ZBTB24: variants seen among roughly 807,000 people sequenced by gnomAD.
The protein encoded by ZBTB24 is zinc finger and BTB domain containing 24.
ZBTB24 carries 32 observed loss-of-function variants against 53.8 expected under a neutral mutation model. That is an observed-to-expected ratio of 0.60 (90% CI 0.45 to 0.80). The LOEUF is 0.80. ZBTB24 is among the 30% of genes least tolerant of loss of function. The probability of loss-of-function intolerance (pLI) is 0.00; values close to 1 mark genes in which losing one functional copy is unlikely to be tolerated. For missense variants in ZBTB24, 722 were observed against 837.1 expected, an observed-to-expected ratio of 0.86 and a Z score of 1.70; for synonymous variants, 297 against 306.7, an observed-to-expected ratio of 0.97 and a Z score of 0.33.
At chr6:109,479,250 CTGACT>C (rs745742536) in intron 2 of ZBTB24, among the ~76,000 whole-genome samples, 9 of 152,168 alleles carry the variant, frequency 5.9e-5, no homozygotes, top group Admixed American at 1.3e-4. Context: ...CAGATGCTTC[CTGACT>C]TATGATGGGA....
chr6:109,462,858 TAAAAC>T lies in ZBTB24; in HGVS notation c.*2988_*2992del, dbSNP rs952720835. ...TAAGAAACACACTCTATATTTCTGT[TAAAAC>T]AATTTAAAAAATGGTACACATTTAG... On this transcript the variant is annotated 3_prime_UTR_variant, in exon 7 of 7. Transcript: ENST00000230122. 19 of 152,348 alleles carry T rather than the reference TAAAAC, an allele frequency of 1.2e-4. No homozygotes were observed. Among genetic ancestry groups the T allele is most frequent in the African/African-American group, 4.3e-4 (18 of 41,580 alleles). The allele number at this position is 152,348 out of a possible 1,614,324, so 9.4% of individuals were successfully genotyped here. A position where few individuals can be genotyped will look rare whatever the true frequency, so the allele number is the denominator to read the frequency against.
chr6:109,481,940 A>T lies in ZBTB24; in HGVS notation c.87T>A (p.Asp29Glu). ...HSDTVLASFE[D>E]QRKKGFLCDI... ...CACAGAGGAAGCCTTTCTTCCTCTG[A>T]TCCTCAAAACTGGCCAGCACAGTGT... The change falls in exon 2 of 7, where the codon GAT (aspartate) becomes GAA (glutamate). Residue 29 changes from aspartate to glutamate, a missense_variant. By Grantham distance (45) the Asp-to-Glu change is conservative. Coordinates refer to ENST00000230122, the MANE Select transcript of ZBTB24 (RefSeq NM_014797.3). The T allele has an allele frequency of 1.2e-6, 2 of 1,614,150 alleles. No homozygotes were observed. Among genetic ancestry groups the T allele is most frequent in the Non-Finnish European group, 1.7e-6 (2 of 1,179,996 alleles).
chr6:109,479,777 G>A (rs541238574), intron 2 of ZBTB24, among the ~76,000 whole-genome samples: 114 of 152,128 alleles, frequency 7.5e-4, no homozygotes, highest in Non-Finnish European at 1.4e-3. Flanking sequence ...TTAGCTGGGC[G>A]TGGTGGCGTG....
intron 2 of ZBTB24, among the ~76,000 whole-genome samples, chr6:109,479,591 T>C (rs1016462660): frequency 5.3e-5 from 8 of 152,196 alleles, no homozygotes; most frequent in African/African-American, 1.7e-4. Context: ...TGTATAATGA[T>C]TTAACTCTAA....
At chr6:109,478,437 C>T (rs953941591) in intron 2 of ZBTB24, among the ~76,000 whole-genome samples, 2 of 152,182 alleles carry the variant, frequency 1.3e-5, no homozygotes, top group South Asian at 2.1e-4. Context: ...TAAAAACTCT[C>T]TTCCTCTCCA....
chr6:109,483,120 A>G lies in ZBTB24; in HGVS notation c.-51T>C, dbSNP rs905084999. ...CACCCGGCGGCCTGGCGGGAGACCC[A>G]CGCCGGGGCCCGCTGGCCCTCCGCT... is the stretch of plus-strand genomic sequence containing the variant. On this transcript the variant is annotated 5_prime_UTR_variant, in exon 1 of 7. Transcript: ENST00000230122. 34 of 152,094 alleles carry G rather than the reference A, an allele frequency of 2.2e-4. No homozygotes were observed. The highest frequency in any genetic ancestry group is 8.0e-4 in the African/African-American group (33 of 41,508). 9.4% of individuals were successfully genotyped at this position (152,094 alleles called of 1,614,324 possible). A position where few individuals can be genotyped will look rare whatever the true frequency, so the allele number is the denominator to read the frequency against.
At chr6:109,472,880 A>G (rs1776195214) in intron 5 of ZBTB24, among the ~76,000 whole-genome samples, 1 of 151,904 alleles carries the variant, frequency 6.6e-6, no homozygotes, top group Non-Finnish European at 1.5e-5. Flanking sequence ...TCTTCCCTGG[A>G]CTATCTCCAG....
At position 109,463,150 on chromosome 6, in the gene ZBTB24, C is replaced by T. The variant is rs551240388; in HGVS notation, c.*2701G>A. 6.6e-6 allele frequency: 1 copy of T among 152,296 alleles called. No homozygotes were observed. The highest frequency in any genetic ancestry group is 2.4e-5 in the African/African-American group (1 of 41,546). The allele number at this position is 152,296 out of a possible 1,614,324, so 9.4% of individuals were successfully genotyped here. Reference sequence around the variant, plus strand: ...TACAGGGGTACACCACCACGCCCAGCTAATTTTTGTATTTTTAGTAGAGAT... The same window carrying T: ...TACAGGGGTACACCACCACGCCCAGTTAATTTTTGTATTTTTAGTAGAGAT... On this transcript the variant is annotated 3_prime_UTR_variant, in exon 7 of 7. Coordinates refer to ENST00000230122, the MANE Select transcript of ZBTB24 (RefSeq NM_014797.3).
chr6:109,465,936 T>A lies in ZBTB24; in HGVS notation c.2009A>T (p.His670Leu). 3 of 1,614,196 alleles carry A rather than the reference T, an allele frequency of 1.9e-6. No homozygotes were observed. The highest frequency in any genetic ancestry group is 2.5e-6 in the Non-Finnish European group (3 of 1,180,038). Residue 670 changes from histidine (H) to leucine (L), a missense_variant, in exon 7 of 7, where the codon CAC becomes CTC. By Grantham distance (99) the His-to-Leu change is moderately conservative (BLOSUM62 -3). Transcript: ENST00000230122. ...ACCAGGCTCCTGTGTCAGCTGCAGG[T>A]GCTGAGCTGGATCTGAAGTACTTGT... ...LATSTSDPAQ[H>L]LQLTQEPGPP...
chr6:109,465,557 A>G lies in ZBTB24; in HGVS notation c.*294T>C, dbSNP rs1368960491. 3 of 1,208,258 alleles carry G rather than the reference A, an allele frequency of 2.5e-6. No individual in the cohort carries two copies. The African/African-American group carries it at 4.6e-5, about 18-fold the overall frequency. 74.8% of individuals were successfully genotyped at this position (1,208,258 alleles called of 1,614,324 possible). ...GTGAACATTTAAACCTTACAGAAAA[A>G]CTGAGATCAATGCCCCCAAAGAAAA... On this transcript the variant is annotated 3_prime_UTR_variant, in exon 7 of 7. Transcript: ENST00000230122.
At chr6:109,482,886 A>T (rs1267531137) in intron 1 of ZBTB24, among the ~76,000 whole-genome samples, 1 of 152,162 alleles carries the variant, frequency 6.6e-6, no homozygotes, top group Non-Finnish European at 1.5e-5. Context: ...CTAATAACTT[A>T]AGCTGCGTGG....
chr6:109,478,978 TAA>T (rs1267543049), intron 2 of ZBTB24, among the ~76,000 whole-genome samples: 1 of 150,780 alleles, frequency 6.6e-6, no homozygotes, highest in Admixed American at 6.6e-5. Context: ...GGGAAAAAAA[TAA>T]GAGTTGAAAC....
chr6:109,482,141 A>G, intron 1 of ZBTB24, 87 bp from the exon 2 acceptor site: 2 of 948,868 alleles, frequency 2.1e-6, no homozygotes, highest in African/African-American at 1.6e-5. Context: ...TTCACTTCAC[A>G]TCATTAACTG....
At chr6:109,482,717 C>G (rs1330617904) in intron 1 of ZBTB24, among the ~76,000 whole-genome samples, 1 of 152,104 alleles carries the variant, frequency 6.6e-6, no homozygotes, top group Non-Finnish European at 1.5e-5. Context: ...CTCCAAAATC[C>G]TCCGCAAGCA....
rs373035965 is a variant in ZBTB24, at chr6:109,467,701, T to C, written c.1322A>G (p.Lys441Arg). The C allele has an allele frequency of 2.7e-5, 44 of 1,614,110 alleles. No homozygotes were observed. The highest frequency in any genetic ancestry group is 4.5e-5 in the East Asian group (2 of 44,888). Residue 441 changes from lysine to arginine, a missense_variant, in exon 6 of 7, where the codon AAA (lysine) becomes AGA (arginine). Transcript: ENST00000230122. ...AAGAGAACTCTTTGCTGTGAAAGAT[T>C]TGCCACAGATTTCACAAGTAAATGG... ...EKPFTCEICG[K>R]SFTAKSSLQT...
chr6:109,475,729 G>A (rs1776264415), intron 4 of ZBTB24, among the ~76,000 whole-genome samples: 1 of 152,144 alleles, frequency 6.6e-6, no homozygotes, highest in African/African-American at 2.4e-5. Flanking sequence ...CAAAGTATTG[G>A]TGTGACTGAG....
At chr6:109,478,423 G>A (rs1393729755) in intron 2 of ZBTB24, among the ~76,000 whole-genome samples, 2 of 152,152 alleles carry the variant, frequency 1.3e-5, no homozygotes, top group Non-Finnish European at 2.9e-5. Flanking sequence ...ACTGGTTACA[G>A]AAATAAAAAC....
At chr6:109,475,606 A>T (rs1274528055) in intron 4 of ZBTB24, 124 bp from the exon 5 acceptor site, 3 of 1,163,474 alleles carry the variant, frequency 2.6e-6, no homozygotes, top group Non-Finnish European at 3.7e-6. Context: ...AACCACAAAA[A>T]TTTTTTCATT....
rs1776286011 is a variant in ZBTB24 at position 109,476,770 on chromosome 6, C to G, written c.1113G>C (p.Leu371=). ...CTGGGCAAGCCCCACTACCTGAGTG[C>G]AGGCTCATGTGCTCCAGCAGTGAGT... ...TKHSLLEHMS[L]HSGQKSFTCD... The change falls in exon 3 of 7, where the codon CTG becomes CTC. Residue 371 remains leucine, a synonymous_variant. Coordinates refer to ENST00000230122, the MANE Select transcript of ZBTB24 (RefSeq NM_014797.3). 6.2e-7 allele frequency: 1 copy of G among 1,613,034 alleles called. No homozygotes were observed. The highest frequency in any genetic ancestry group is 8.5e-7 in the Non-Finnish European group (1 of 1,179,936).
Sources: gnomAD v4.1 joint callset for allele counts (sites outside exome capture counted in the v4.1 genomes callset) on GRCh38, gnomAD v4.1.1 for gene constraint, MANE v1.5 for transcripts, NCBI Gene and HGNC (gene_info 2026-07-23, HGNC 2026-07-21) for gene names.